Variants in BCAS3 observed in about 807,000 individuals in gnomAD.
BCAS3 encodes BCAS4/BCAS3 fusion.
In BCAS3, 53 loss-of-function variants were observed where a neutral mutation model predicts 116.1. That is an observed-to-expected ratio of 0.46 (90% CI 0.37 to 0.57). The LOEUF (loss-of-function observed/expected upper bound fraction) is 0.57. BCAS3 is among the 20% of genes least tolerant of loss of function. BCAS3 has a pLI of 0.00. For missense variants in BCAS3, 917 were observed against 1,165.4 expected, an observed-to-expected ratio of 0.79 and a Z score of 3.10; for synonymous variants, 391 against 408.2, an observed-to-expected ratio of 0.96 and a Z score of 0.51.
At position 60,993,592 on chromosome 17, in the gene BCAS3, G is replaced by C. The variant is rs1273069586; in HGVS notation, c.1486+3357G>C. 1.3e-5 allele frequency among the ~76,000 whole-genome samples: 2 copies of C among 151,744 alleles called. No individual in the cohort carries two copies. The highest frequency in any genetic ancestry group is 2.9e-5 in the Non-Finnish European group (2 of 67,918). On this transcript the variant is annotated intron_variant, in intron 15 of 23. Transcript: ENST00000407086. The surrounding 1 kb of genome is among the most constrained non-coding windows in gnomAD (Gnocchi z 4.2). The stretch of plus-strand genomic sequence containing the variant: ...TGGTCATTTTTCTTCATGTTTTTTT[G>C]TATCTTACATGTCATAACAAAATGG...
chr17:61,331,054 G>A (rs2056237162), intron 22 of BCAS3, among the ~76,000 whole-genome samples: 1 of 152,210 alleles, frequency 6.6e-6, no homozygotes, highest in African/African-American at 2.4e-5. Context: ...TACTATAGGT[G>A]CTTTCCGTAG....
In BCAS3 at chr17:61,181,015, C is replaced by T. The variant is rs1375109827; in HGVS notation, c.2425+96451C>T. 2.6e-5 allele frequency among the ~76,000 whole-genome samples: 4 copies of T among 151,756 alleles called. No homozygotes were observed. Among genetic ancestry groups the T allele is most frequent in the East Asian group, 1.9e-4 (1 of 5,166 alleles). On this transcript the variant is annotated intron_variant, in intron 22 of 23. Transcript: ENST00000407086. The surrounding 1 kb of genome is among the most constrained non-coding windows in gnomAD (Gnocchi z 5.0). ...GGGGGATCACTTGAGCCCAAGAGTT[C>T]GAGACCAGCCTGGGCAACAAAGTGA...
At chr17:61,049,923 G>A (rs1009250590) in intron 19 of BCAS3, among the ~76,000 whole-genome samples, 4 of 151,556 alleles carry the variant, frequency 2.6e-5, no homozygotes, top group African/African-American at 9.7e-5. Flanking sequence ...TAGTAGAGAC[G>A]GGGTTTTTCC....
chr17:60,759,221 T>C (rs2043280795), intron 6 of BCAS3, among the ~76,000 whole-genome samples: 1 of 152,222 alleles, frequency 6.6e-6, no homozygotes, highest in Admixed American at 6.5e-5. Flanking sequence ...TCGTTGAAAC[T>C]TATTTAATGG....
chr17:60,975,394 C>T (rs1021207192), intron 14 of BCAS3, among the ~76,000 whole-genome samples: 3 of 152,236 alleles, frequency 2.0e-5, no homozygotes, highest in Non-Finnish European at 4.4e-5. Context: ...AGCTGCTTAT[C>T]TTCCTTTGTG....
chr17:61,305,269 G>T (rs1165936463), intron 22 of BCAS3, among the ~76,000 whole-genome samples: 2 of 152,084 alleles, frequency 1.3e-5, no homozygotes, highest in African/African-American at 4.8e-5. Context: ...TGCTTAGTTG[G>T]GTTAACAGTT....
At chr17:60,717,921 A>G (rs898516142) in intron 5 of BCAS3, among the ~76,000 whole-genome samples, 6 of 152,178 alleles carry the variant, frequency 3.9e-5, no homozygotes, top group African/African-American at 1.4e-4. Context: ...TTGCTTTCCC[A>G]CAGCTAGATG....
rs149309291 is a variant in BCAS3 at position 61,146,953 on chromosome 17, T to C, written c.2425+62389T>C. On this transcript the variant is annotated intron_variant, in intron 22 of 23. Coordinates refer to ENST00000407086, the MANE Select transcript of BCAS3 (RefSeq NM_017679.5). ...TTTTTAAGACAGGGTCTTGCTCTATTGCCCAGGCTGGAGTGCAGTGGCGTG... is the reference window on the plus strand; with the variant it reads ...TTTTTAAGACAGGGTCTTGCTCTATCGCCCAGGCTGGAGTGCAGTGGCGTG... 2.2e-3 allele frequency among the ~76,000 whole-genome samples: 338 copies of C among 152,264 alleles called. 1 individual carries two copies. Among genetic ancestry groups the C allele is most frequent in the African/African-American group, 7.9e-3 (327 of 41,552 alleles).
At chr17:60,765,110 A>AT (rs2043955116) in intron 6 of BCAS3, among the ~76,000 whole-genome samples, 1 of 152,096 alleles carries the variant, frequency 6.6e-6, no homozygotes, top group African/African-American at 2.4e-5. Context: ...GGTCTCCTGA[A>AT]TATAGCACAC....
At chr17:60,872,673 C>A (rs1038945744) in intron 8 of BCAS3, among the ~76,000 whole-genome samples, 1 of 150,632 alleles carries the variant, frequency 6.6e-6, no homozygotes. Context: ...TATATACACA[C>A]ATACACACAC....
chr17:61,158,973 TCAA>T (rs1285716595), intron 22 of BCAS3, among the ~76,000 whole-genome samples: 1 of 152,280 alleles, frequency 6.6e-6, no homozygotes, highest in African/African-American at 2.4e-5. Context: ...CAATTTAACA[TCAA>T]CAACTCAAAA....
chr17:61,226,595 G>A lies in BCAS3; in HGVS notation c.2426-141732G>A, dbSNP rs1202662113. ...TATTTACTAGATCTTAGATTTTAAG[G>A]GTTAGAATTTTTTCAGGGTGATCTT... is the stretch of plus-strand genomic sequence containing the variant. On this transcript the variant is annotated intron_variant, in intron 22 of 23. Coordinates refer to ENST00000407086, the MANE Select transcript of BCAS3 (RefSeq NM_017679.5). The surrounding 1 kb of genome is among the most constrained non-coding windows in gnomAD (Gnocchi z 6.0). Among the ~76,000 whole-genome samples, 3 of 152,090 alleles carry A rather than the reference G, an allele frequency of 2.0e-5. No individual in the cohort carries two copies. Among genetic ancestry groups the A allele is most frequent in the African/African-American group, 7.2e-5 (3 of 41,408 alleles).
intron 4 of BCAS3, among the ~76,000 whole-genome samples, chr17:60,707,796 A>G (rs2037358926): frequency 6.6e-6 from 1 of 150,626 alleles, no homozygotes; most frequent in African/African-American, 2.5e-5. Flanking sequence ...ATGTTGGCAA[A>G]TGATAATTGA....
In BCAS3 at chr17:61,213,724, T is replaced by A. The variant is rs1238718893; in HGVS notation, c.2425+129160T>A. Among the ~76,000 whole-genome samples, 1 of 152,166 alleles carries A rather than the reference T, an allele frequency of 6.6e-6. No individual in the cohort carries two copies. The highest frequency in any genetic ancestry group is 1.5e-5 in the Non-Finnish European group (1 of 68,030). On this transcript the variant is annotated intron_variant, in intron 22 of 23. Transcript: ENST00000407086. This position sits in a 1 kb window ranked among gnomAD's most constrained non-coding sequence, Gnocchi z 5.4. ...ACTGTACAGATGGATAGATGTACAT[T>A]TAACTGCAGAGACTGGATTAGAACA...
Position 60,990,374 on chromosome 17 carries a change from A to G in BCAS3, c.1486+139A>G. ...TTAGGCTTATATGAAATTCTTAATT[A>G]TTAAATAATTTAATAAATTGGAGCC... is the stretch of plus-strand genomic sequence containing the variant. On this transcript the variant is annotated intron_variant, in intron 15 of 23. Transcript: ENST00000407086. This position sits in a 1 kb window ranked among gnomAD's most constrained non-coding sequence, Gnocchi z 5.1. The G allele has an allele frequency of 4.4e-6, 4 of 909,026 alleles. No individual in the cohort carries two copies. Among genetic ancestry groups the G allele is most frequent in the Non-Finnish European group, 6.3e-6 (4 of 630,704 alleles). 56.3% of individuals were successfully genotyped at this position (909,026 alleles called of 1,614,324 possible).
chr17:60,901,100 A>G (rs1174704839), intron 10 of BCAS3, among the ~76,000 whole-genome samples: 1 of 152,020 alleles, frequency 6.6e-6, no homozygotes, highest in African/African-American at 2.4e-5. Context: ...AATCCCAGCT[A>G]CTTGGGAGGC....
At chr17:61,101,854 G>A (rs2074348485) in intron 22 of BCAS3, among the ~76,000 whole-genome samples, 1 of 152,010 alleles carries the variant, frequency 6.6e-6, no homozygotes, top group Non-Finnish European at 1.5e-5. Flanking sequence ...TAATGCATGG[G>A]GACTGCAGTA....
chr17:60,864,233 T>G (rs1349335729), intron 7 of BCAS3, among the ~76,000 whole-genome samples: 1 of 152,202 alleles, frequency 6.6e-6, no homozygotes, highest in Non-Finnish European at 1.5e-5. Context: ...GATTGTCAAC[T>G]GTCATGGTGC....
intron 7 of BCAS3, among the ~76,000 whole-genome samples, chr17:60,845,836 A>G (rs942354389): frequency 3.6e-5 from 5 of 140,074 alleles, no homozygotes; most frequent in African/African-American, 1.3e-4. Flanking sequence ...ACTTTGTCAT[A>G]GCTCACTGCA....
Sources: gnomAD v4.1 joint callset for allele counts (sites outside exome capture counted in the v4.1 genomes callset) on GRCh38, gnomAD v4.1.1 for gene constraint, Gnocchi (gnomAD v3.1) non-coding constraint, MANE v1.5 for transcripts, NCBI Gene and HGNC (gene_info 2026-07-23, HGNC 2026-07-21) for gene names.